AHNAK2: variants seen among roughly 807,000 people sequenced by gnomAD.
AHNAK2 encodes the protein AHNAK nucleoprotein 2.
Under a neutral mutation model 30.7 loss-of-function variants are expected in AHNAK2, and 18 were observed. The ratio of observed to expected loss-of-function variants is 0.59; its 90% CI spans 0.41 to 0.87. The LOEUF is 0.87. AHNAK2 is among the 40% of genes least tolerant of loss of function. AHNAK2 has a pLI of 0.00. For synonymous variants in AHNAK2, 3,590 were observed against 3,073.8 expected (o/e 1.17, Z -5.56); for missense variants, 8,604 against 7,373.0 (o/e 1.17, Z -6.11).
At chr14:104,957,544 G>C (rs1458784352) in intron 2 of AHNAK2, 36 bp from the exon 3 acceptor site, 1 of 1,589,634 alleles carries the variant, frequency 6.3e-7, no homozygotes, top group Non-Finnish European at 8.6e-7. Context: ...TTGCCACTCG[G>C]TTCTCCCAGG....
rs1899313616 is a variant in AHNAK2 at position 104,966,733 on chromosome 14, C to G, written c.56-9061G>C. ...GCCACCCCAGCCCCTCTGGAGCTGCCTGGAGCTCCAGCCACACCAGACCCA... is the reference window on the plus strand; with the variant it reads ...GCCACCCCAGCCCCTCTGGAGCTGCGTGGAGCTCCAGCCACACCAGACCCA... On this transcript the variant is annotated intron_variant, in intron 1 of 6. Transcript: ENST00000333244. This position sits in a 1 kb window ranked among gnomAD's most constrained non-coding sequence, Gnocchi z 4.3. Among the ~76,000 whole-genome samples the G allele has an allele frequency of 6.6e-6, 1 of 152,192 alleles. No homozygotes were observed.
In AHNAK2 at chr14:104,966,898, C is replaced by T. The variant is rs1190309684; in HGVS notation, c.56-9226G>A. 1.3e-5 allele frequency among the ~76,000 whole-genome samples: 2 copies of T among 152,256 alleles called. No individual in the cohort carries two copies. Among genetic ancestry groups the T allele is most frequent in the East Asian group, 3.8e-4 (2 of 5,202 alleles). On this transcript the variant is annotated intron_variant, in intron 1 of 6. Transcript: ENST00000333244. The surrounding 1 kb of genome is among the most constrained non-coding windows in gnomAD (Gnocchi z 4.3). Reference sequence around the variant, plus strand: ...CCTTCCTGCTCTGCCCAGACCCTGCCGCTCAATCCCCAAGGTGGGTAACAT... The same window carrying T: ...CCTTCCTGCTCTGCCCAGACCCTGCTGCTCAATCCCCAAGGTGGGTAACAT...
At position 104,939,504 on chromosome 14, in the gene AHNAK2, G is replaced by A. The variant is rs1897915012; in HGVS notation, c.15947C>T (p.Pro5316Leu). Residue 5316 changes from proline to leucine, a missense_variant, in exon 7 of 7, where the codon CCA (proline) becomes CTA (leucine). Transcript: ENST00000333244. The stretch of plus-strand genomic sequence containing the variant: ...TTCTCCTGGAAGAACCTGGGTTTCT[G>A]GAAGCCTCATGCCAGGCATCTGAAA... ...LPFQMPGMRL[P>L]ETQVLPGEID... is the part of the protein sequence containing the mutation. 3 of 1,613,536 alleles carry A rather than the reference G, an allele frequency of 1.9e-6. No individual in the cohort carries two copies. The South Asian group carries it at 3.3e-5, about 18-fold the overall frequency.
In AHNAK2 at chr14:104,954,933, GC is replaced by G. The variant is rs753761910; in HGVS notation, c.651+23del. On this transcript the variant is annotated intron_variant, in intron 6 of 6. Transcript: ENST00000333244. This position sits in a 1 kb window ranked among gnomAD's most constrained non-coding sequence, Gnocchi z 4.3. Reference sequence around the variant, plus strand: ...GGGTAGTGAAGCCAGCTGGGGCCCTGCCCCCCGGGCATAGTGGTCTCACCTC... The same window carrying G: ...GGGTAGTGAAGCCAGCTGGGGCCCTGCCCCCGGGCATAGTGGTCTCACCTC... 1.9e-6 allele frequency: 3 copies of G among 1,592,464 alleles called. No homozygotes were observed. The highest frequency in any genetic ancestry group is 1.7e-6 in the Non-Finnish European group (2 of 1,168,830).
rs1423131241 is a variant in AHNAK2, at chr14:104,944,214, G to T, written c.11237C>A (p.Pro3746His). The change falls in exon 7 of 7, where the codon CCC becomes CAC. Residue 3746 changes from proline to histidine, a missense_variant. By Grantham distance (77) the Pro-to-His change is moderately conservative. Coordinates refer to ENST00000333244, the MANE Select transcript of AHNAK2 (RefSeq NM_138420.4). ...CTTGGAGACTTTTAGGTCCAGCTTGGGGCCCTTGATGTCCACCTGGGGGCC... is the reference window on the plus strand; with the variant it reads ...CTTGGAGACTTTTAGGTCCAGCTTGTGGCCCTTGATGTCCACCTGGGGGCC... The part of the protein sequence containing the change: ...LKGPQVDIKG[P>H]KLDLKVSKAE... The T allele has an allele frequency of 1.2e-5, 19 of 1,612,910 alleles. No individual in the cohort carries two copies. The highest frequency in any genetic ancestry group is 1.6e-5 in the Non-Finnish European group (19 of 1,179,494).
At chr14:104,970,633 G>T in intron 1 of AHNAK2, 1 of 628,564 alleles carries the variant, frequency 1.6e-6, no homozygotes, top group Non-Finnish European at 2.0e-6. Context: ...CAGAGGGAGT[G>T]GGCGGGTCCC....
chr14:104,943,435 A>C lies in AHNAK2; in HGVS notation c.12016T>G (p.Ser4006Ala). Residue 4006 changes from serine (S) to alanine (A), a missense_variant, in exon 7 of 7, where the codon TCC (serine) becomes GCC (alanine). By Grantham distance (99) the Ser-to-Ala change is moderately conservative. Coordinates refer to ENST00000333244, the MANE Select transcript of AHNAK2 (RefSeq NM_138420.4). ...GTGGCCTTGAGGTCCCCCTGCATGG[A>C]AGGGAGGCTCACGTCGGCCTCCACC... The part of the protein sequence containing the change: ...PKVEADVSLP[S>A]MQGDLKATDL... The C allele has an allele frequency of 6.2e-7, 1 of 1,613,096 alleles. No homozygotes were observed. The highest frequency in any genetic ancestry group is 1.7e-5 in the Admixed American group (1 of 59,974).
At position 104,945,064 on chromosome 14, in the gene AHNAK2, C is replaced by T. The variant is rs751457976; in HGVS notation, c.10387G>A (p.Glu3463Lys). Reference protein sequence around the residue: ...ARLEGDLSLAEKDVTAKDSKF... With the variant: ...ARLEGDLSLAKKDVTAKDSKF... ...CTGTCTTTGGCAGTCACATCCTTTT[C>T]AGCCAGGGACAGGTCCCCCTCCAGC... The change falls in exon 7 of 7, where the codon GAA becomes AAA. Residue 3463 changes from glutamate to lysine, a missense_variant. Glu to Lys is a moderately conservative substitution (Grantham distance 56). Coordinates refer to ENST00000333244, the MANE Select transcript of AHNAK2 (RefSeq NM_138420.4). The T allele has an allele frequency of 8.1e-6, 13 of 1,612,992 alleles. No homozygotes were observed. Among genetic ancestry groups the T allele is most frequent in the East Asian group, 2.2e-5 (1 of 44,762 alleles).
rs373884407 is a variant in AHNAK2, at chr14:104,941,253, G to A, written c.14198C>T (p.Thr4733Met). The change falls in exon 7 of 7, where the codon ACG becomes ATG. Residue 4733 changes from threonine (T) to methionine (M), a missense_variant. Thr to Met is a moderately conservative substitution (Grantham distance 81). Coordinates refer to ENST00000333244, the MANE Select transcript of AHNAK2 (RefSeq NM_138420.4). ...PGAKSSIGLS[T>M]IPLSSSECSS... ...GCATTCTGAAGATGATAAAGGAATC[G>A]TGGAAAGACCTATGCTAGACTTTGC... 5.6e-6 allele frequency: 9 copies of A among 1,613,646 alleles called. No individual in the cohort carries two copies. The highest frequency in any genetic ancestry group is 2.2e-5 in the South Asian group (2 of 91,090).
Position 104,943,918 on chromosome 14 carries a change from C to A in AHNAK2, c.11533G>T (p.Asp3845Tyr), listed in dbSNP as rs750208505. 7 of 1,613,046 alleles carry A rather than the reference C, an allele frequency of 4.3e-6. No individual in the cohort carries two copies. The highest frequency in any genetic ancestry group is 5.9e-6 in the Non-Finnish European group (7 of 1,179,570). Residue 3845 changes from aspartate (D) to tyrosine (Y), a missense_variant, in exon 7 of 7, where the codon GAC (aspartate) becomes TAC (tyrosine). Asp to Tyr is a radical substitution (Grantham distance 160). Coordinates refer to ENST00000333244, the MANE Select transcript of AHNAK2 (RefSeq NM_138420.4). The part of the protein sequence containing the change: ...ADVSLPSMQG[D>Y]LKTTDLSIQP... ...ATGCTGAGGTCAGTGGTCTTGAGGTCCCCCTGCATGGAGGGGAGACTCACA... is the reference window on the plus strand; with the variant it reads ...ATGCTGAGGTCAGTGGTCTTGAGGTACCCCTGCATGGAGGGGAGACTCACA...
chr14:104,953,453 C>T lies in AHNAK2; in HGVS notation c.1998G>A (p.Lys666=), dbSNP rs1898866645. ...RLKKEQILTE[K]EVATKDSKFK... is the part of the protein sequence containing the mutation. ...ACTTGCTGTCTTTGGTGGCCACTTC[C>T]TTTTCTGTCAGAATTTGTTCCTTTT... is the stretch of plus-strand genomic sequence containing the variant. Residue 666 remains lysine (K), a synonymous_variant, in exon 7 of 7, where the codon AAG becomes AAA. Transcript: ENST00000333244. 4 of 1,614,068 alleles carry T rather than the reference C, an allele frequency of 2.5e-6. No homozygotes were observed. The highest frequency in any genetic ancestry group is 3.4e-6 in the Non-Finnish European group (4 of 1,179,912).
intron 1 of AHNAK2, among the ~76,000 whole-genome samples, chr14:104,964,226 T>G (rs912956949): frequency 7.2e-5 from 11 of 152,150 alleles, no homozygotes; most frequent in African/African-American, 2.7e-4. Context: ...ACCAGCCGAT[T>G]AGTATATGGA....
rs558851997 is a variant in AHNAK2 at position 104,965,578 on chromosome 14, G to A, written c.56-7906C>T. Among the ~76,000 whole-genome samples the A allele has an allele frequency of 3.3e-5, 5 of 152,262 alleles. No individual in the cohort carries two copies. In the East Asian group the frequency reaches 9.7e-4, roughly 29 times the overall value. On this transcript the variant is annotated intron_variant, in intron 1 of 6. Coordinates refer to ENST00000333244, the MANE Select transcript of AHNAK2 (RefSeq NM_138420.4). ...CTGGCGCCCTGGCCTGGGCTCCAGGGCCTCCCTCCTGCAGTGACAAGGAGG... is the reference window on the plus strand; with the variant it reads ...CTGGCGCCCTGGCCTGGGCTCCAGGACCTCCCTCCTGCAGTGACAAGGAGG...
intron 1 of AHNAK2, among the ~76,000 whole-genome samples, chr14:104,965,202 G>A (rs935233069): frequency 5.3e-5 from 8 of 152,012 alleles, no homozygotes; most frequent in Admixed American, 1.3e-4. Flanking sequence ...TTTTTGTAAC[G>A]ATTTAAAAAT....
At position 104,939,671 on chromosome 14, in the gene AHNAK2, A is replaced by C; in HGVS notation, c.15780T>G (p.Ser5260=). Residue 5260 remains serine (S), a synonymous_variant, in exon 7 of 7, where the codon TCT becomes TCG. Transcript: ENST00000333244. The part of the protein sequence containing the change: ...LPEADAEVTA[S]ESKSSTDILR... ...GAATATCTGTGGATGATTTGCTCTC[A>C]GAAGCTGTCACTTCTGCATCTGCCT... is the stretch of plus-strand genomic sequence containing the variant. 6.2e-7 allele frequency: 1 copy of C among 1,613,938 alleles called. No homozygotes were observed. The highest frequency in any genetic ancestry group is 8.5e-7 in the Non-Finnish European group (1 of 1,179,900).
chr14:104,950,366 G>A lies in AHNAK2; in HGVS notation c.5085C>T (p.Pro1695=), dbSNP rs375555104. The part of the protein sequence containing the change: ...EPKVEADVSL[P]SMQGDLKTTD... ...TGGTCTTCAGGTCCCCCTGCATGGA[G>A]GGGAGGCTCACATCAGCTTCCACCT... The change falls in exon 7 of 7, where the codon CCC becomes CCT. Residue 1695 remains proline, a synonymous_variant. Transcript: ENST00000333244. 40 of 1,586,374 alleles carry A rather than the reference G, an allele frequency of 2.5e-5. 1 individual carries two copies. In the African/African-American group the frequency reaches 2.8e-4, roughly 11 times the overall value.
Position 104,939,372 on chromosome 14 carries a change from G to A in AHNAK2, c.16079C>T (p.Ser5360Leu), listed in dbSNP as rs375261364. The change falls in exon 7 of 7, where the codon TCA (serine) becomes TTA (leucine). Residue 5360 changes from serine (S) to leucine (L), a missense_variant. Physicochemically the swap from Ser to Leu is moderately radical, Grantham distance 145. Transcript: ENST00000333244. Reference protein sequence around the residue: ...QPEGPLKLKASSTDMPSQISV... With the variant: ...QPEGPLKLKALSTDMPSQISV... The stretch of plus-strand genomic sequence containing the variant: ...AATCTGGGATGGCATATCAGTACTT[G>A]AAGCTTTCAATTTAAGTGGACCTTC... 9.3e-6 allele frequency: 15 copies of A among 1,613,684 alleles called. No individual in the cohort carries two copies. The highest frequency in any genetic ancestry group is 1.3e-5 in the Non-Finnish European group (15 of 1,179,862).
At chr14:104,969,107 T>C (rs990265398) in intron 1 of AHNAK2, among the ~76,000 whole-genome samples, 89 of 152,150 alleles carry the variant, frequency 5.8e-4, no homozygotes, top group African/African-American at 2.0e-3. Flanking sequence ...GATAACTCTC[T>C]CGGGATGAGC....
intron 1 of AHNAK2, among the ~76,000 whole-genome samples, chr14:104,975,099 C>A (rs1049838133): frequency 4.6e-5 from 7 of 152,202 alleles, no homozygotes; most frequent in Non-Finnish European, 7.4e-5. Flanking sequence ...AAGAGCTTGG[C>A]CAAATGGAGA....
Sources: gnomAD v4.1 joint callset for allele counts (sites outside exome capture counted in the v4.1 genomes callset) on GRCh38, gnomAD v4.1.1 for gene constraint, Gnocchi (gnomAD v3.1) non-coding constraint, MANE v1.5 for transcripts, NCBI Gene and HGNC (gene_info 2026-07-23, HGNC 2026-07-21) for gene names.